Variants in CCDC178 observed in about 807,000 individuals in gnomAD.
CCDC178 encodes coiled-coil domain-containing protein 178.
In CCDC178, 126 loss-of-function variants were observed where a neutral mutation model predicts 117.4. The observed-to-expected ratio is 1.07, with a 90% CI of 0.93 to 1.24. CCDC178 has a LOEUF of 1.24. CCDC178 is among the 50% of genes most tolerant of loss of function. The pLI, the probability that CCDC178 is intolerant of heterozygous loss-of-function variation, is 0.00. For missense variants in CCDC178, 1,030 were observed against 986.9 expected (o/e 1.04, Z -0.59); for synonymous variants, 283 against 313.4 (o/e 0.90, Z 1.02).
intron 21 of CCDC178, among the ~76,000 whole-genome samples, chr18:33,021,156 A>G (rs1438063203): frequency 6.6e-6 from 1 of 152,104 alleles, no homozygotes; most frequent in Non-Finnish European, 1.5e-5. Flanking sequence ...GCAGAAATAC[A>G]TAACTCTGAA....
intron 21 of CCDC178, among the ~76,000 whole-genome samples, chr18:33,029,228 T>C (rs1395505040): frequency 2.6e-5 from 4 of 151,964 alleles, no homozygotes; most frequent in African/African-American, 9.6e-5. Flanking sequence ...AAATTTTCTT[T>C]GGTGAGTTTT....
chr18:33,157,794 A>G (rs144841120), intron 20 of CCDC178, among the ~76,000 whole-genome samples: 22 of 152,048 alleles, frequency 1.4e-4, no homozygotes, highest in African/African-American at 5.3e-4. Context: ...TTACTTCTAT[A>G]TTATCTGTCA....
At chr18:33,102,172 A>G (rs2145103981) in intron 20 of CCDC178, among the ~76,000 whole-genome samples, 1 of 151,970 alleles carries the variant, frequency 6.6e-6, no homozygotes, top group South Asian at 2.1e-4. Flanking sequence ...TTCTACATCG[A>G]TAATGAGGAA....
chr18:33,067,998 G>A (rs912960991), intron 21 of CCDC178, among the ~76,000 whole-genome samples: 1 of 151,938 alleles, frequency 6.6e-6, no homozygotes, highest in Non-Finnish European at 1.5e-5. Context: ...GAGACATTAT[G>A]ATACCACAGA....
intron 20 of CCDC178, among the ~76,000 whole-genome samples, chr18:33,144,497 C>A (rs2058247115): frequency 6.6e-6 from 1 of 151,974 alleles, no homozygotes; most frequent in Non-Finnish European, 1.5e-5. Context: ...CTAGCAGAAG[C>A]AGCTCGATTC....
intron 15 of CCDC178, among the ~76,000 whole-genome samples, chr18:33,242,600 C>T (rs1295718820): frequency 9.5e-6 from 1 of 104,990 alleles, no homozygotes; most frequent in African/African-American, 3.2e-5. Context: ...GGCAAATGAT[C>T]TAAACAGATA....
intron 5 of CCDC178, among the ~76,000 whole-genome samples, chr18:33,377,076 T>A (rs1257801853): frequency 6.6e-6 from 1 of 152,164 alleles, no homozygotes. Context: ...CAACAGTGTA[T>A]AACAATTCTC....
intron 20 of CCDC178, among the ~76,000 whole-genome samples, chr18:33,136,514 A>C (rs1186286838): frequency 6.6e-6 from 1 of 152,142 alleles, no homozygotes; most frequent in South Asian, 2.1e-4. Context: ...TTTGGGAACA[A>C]GGGTCAATAT....
chr18:33,405,813 G>A (rs2063772491), intron 3 of CCDC178, among the ~76,000 whole-genome samples: 1 of 152,008 alleles, frequency 6.6e-6, no homozygotes, highest in South Asian at 2.1e-4. Flanking sequence ...AAGTATAATA[G>A]GCTGGAAGGC....
At chr18:33,074,554 G>A (rs1340434029) in intron 21 of CCDC178, among the ~76,000 whole-genome samples, 1 of 152,198 alleles carries the variant, frequency 6.6e-6, no homozygotes, top group Non-Finnish European at 1.5e-5. Context: ...TGGAGCCCTG[G>A]GGAATTCCAA....
At chr18:33,022,413 GA>G (rs2056141124) in intron 21 of CCDC178, among the ~76,000 whole-genome samples, 1 of 152,158 alleles carries the variant, frequency 6.6e-6, no homozygotes, top group South Asian at 2.1e-4. Flanking sequence ...TATAATGTCT[GA>G]TGTGGTTCTA....
chr18:33,116,991 T>G (rs2057865802), intron 20 of CCDC178, among the ~76,000 whole-genome samples: 1 of 152,096 alleles, frequency 6.6e-6, no homozygotes, highest in Non-Finnish European at 1.5e-5. Context: ...TTATTTGGTC[T>G]GGATGGAGAA....
intron 1 of CCDC178, 133 bp downstream of exon 1, chr18:33,440,520 T>C (rs11081808): frequency 0.81 from 122,355 of 151,988 alleles, 49,477 homozygotes; most frequent in East Asian, 1. Context: ...TCCCTCAGGG[T>C]GGCCAGGGAA....
At chr18:33,349,610 G>T (rs1321661856) in intron 7 of CCDC178, among the ~76,000 whole-genome samples, 1 of 151,780 alleles carries the variant, frequency 6.6e-6, no homozygotes, top group Non-Finnish European at 1.5e-5. Context: ...TGTGATTCTA[G>T]AATCCTAAAC....
chr18:33,253,847 C>G (rs1429442825), intron 14 of CCDC178, among the ~76,000 whole-genome samples: 3 of 151,810 alleles, frequency 2.0e-5, no homozygotes, highest in Non-Finnish European at 4.4e-5. Flanking sequence ...TGGTTTCATA[C>G]TCAATATCCT....
chr18:33,428,504 C>A (rs2064153102), intron 2 of CCDC178, among the ~76,000 whole-genome samples: 1 of 151,834 alleles, frequency 6.6e-6, no homozygotes, highest in African/African-American at 2.4e-5. Flanking sequence ...GAGGCCGAGG[C>A]AGGCAGATCA....
chr18:33,400,776 T>C (rs2063699379), intron 3 of CCDC178, among the ~76,000 whole-genome samples: 1 of 152,228 alleles, frequency 6.6e-6, no homozygotes, highest in African/African-American at 2.4e-5. Flanking sequence ...GTAGCACGTT[T>C]AATTCCCTTC....
At chr18:33,245,687 G>A (rs1419200741) in intron 14 of CCDC178, among the ~76,000 whole-genome samples, 1 of 151,752 alleles carries the variant, frequency 6.6e-6, no homozygotes, top group Admixed American at 6.6e-5. Flanking sequence ...GGGAATCCGG[G>A]TGCTTGGCTT....
intron 11 of CCDC178, among the ~76,000 whole-genome samples, chr18:33,314,860 G>GA (rs2062395286): frequency 1.3e-5 from 2 of 152,086 alleles, no homozygotes; most frequent in African/African-American, 2.4e-5. Context: ...AGAACCTAAG[G>GA]AAAAAAGTCC....
Sources: allele counts gnomAD v4.1 joint callset (sites outside exome capture counted in the v4.1 genomes callset), GRCh38; gene constraint gnomAD v4.1.1; transcripts MANE v1.5; gene names NCBI Gene and HGNC (gene_info 2026-07-23, HGNC 2026-07-21).